The following SLC25A48 variants were observed in gnomAD, a reference collection of about 807,000 sequenced individuals.
SLC25A48 encodes CTC-321K16.1.
SLC25A48 carries 29 observed loss-of-function variants against 32.2 expected under a neutral mutation model. The observed-to-expected ratio is 0.90, with a 90% CI of 0.67 to 1.23. The LOEUF (loss-of-function observed/expected upper bound fraction) is 1.23, where lower values mean the gene tolerates loss of function less well. Ranked by LOEUF, SLC25A48 falls within the 50% of genes most tolerant of loss-of-function variation. The pLI, the probability that SLC25A48 is intolerant of heterozygous loss-of-function variation, is 0.00. For synonymous variants in SLC25A48, 164 were observed against 172.3 expected, an observed-to-expected ratio of 0.95 and a Z score of 0.38; for missense variants, 399 against 422.7, an observed-to-expected ratio of 0.94 and a Z score of 0.49.
intron 1 of SLC25A48, among the ~76,000 whole-genome samples, chr5:135,599,369 A>G (rs1751733385): frequency 6.6e-6 from 1 of 152,126 alleles, no homozygotes; most frequent in African/African-American, 2.4e-5. Flanking sequence ...GCTCATGGAT[A>G]TTGGAGTGCC....
intron 1 of SLC25A48, among the ~76,000 whole-genome samples, chr5:135,598,057 G>A (rs186140574): frequency 1.3e-5 from 2 of 151,722 alleles, no homozygotes; most frequent in Admixed American, 6.6e-5. Context: ...CAAAAGCAAC[G>A]TCCCCAACTA....
chr5:135,597,221 G>C (rs1751676175), intron 1 of SLC25A48, among the ~76,000 whole-genome samples: 1 of 152,170 alleles, frequency 6.6e-6, no homozygotes, highest in Non-Finnish European at 1.5e-5. Flanking sequence ...TCTCAGACTG[G>C]ATTCAATGCA....
intron 3 of SLC25A48, among the ~76,000 whole-genome samples, chr5:135,707,079 T>TG (rs1166341981): frequency 6.6e-6 from 1 of 152,032 alleles, no homozygotes; most frequent in South Asian, 2.1e-4. Context: ...AAGCCAGGGC[T>TG]GGGGGTGTGG....
intron 3 of SLC25A48, among the ~76,000 whole-genome samples, chr5:135,782,585 T>C (rs1348306263): frequency 8.5e-6 from 1 of 117,186 alleles, no homozygotes; most frequent in Admixed American, 8.7e-5. Context: ...ACCCACCCTG[T>C]GAGAGTGTTC....
At chr5:135,595,671 GA>G in intron 1 of SLC25A48, among the ~76,000 whole-genome samples, 1 of 152,316 alleles carries the variant, frequency 6.6e-6, no homozygotes, top group South Asian at 2.1e-4. Flanking sequence ...CTGTTTCTTA[GA>G]TGTGTGACTG....
intron 4 of SLC25A48, among the ~76,000 whole-genome samples, chr5:135,828,098 G>A (rs1758111352): frequency 6.6e-6 from 1 of 152,224 alleles, no homozygotes; most frequent in Non-Finnish European, 1.5e-5. Context: ...TGCTCATGGG[G>A]ATGAAGAGAC....
chr5:135,585,458 C>G (rs1353081455), intron 1 of SLC25A48, among the ~76,000 whole-genome samples: 1 of 152,212 alleles, frequency 6.6e-6, no homozygotes. Flanking sequence ...GCTCGTAGAC[C>G]TTGTTGTCTC....
chr5:135,809,485 C>A (rs957014546), intron 3 of SLC25A48, among the ~76,000 whole-genome samples: 1 of 152,132 alleles, frequency 6.6e-6, no homozygotes, highest in African/African-American at 2.4e-5. Flanking sequence ...TTTTAAAAAT[C>A]AGGTTTATTG....
intron 2 of SLC25A48, among the ~76,000 whole-genome samples, chr5:135,843,942 C>A (rs991122955): frequency 6.6e-6 from 1 of 152,176 alleles, no homozygotes; most frequent in African/African-American, 2.4e-5. Context: ...CCAAGGAGGG[C>A]TGTGCAGCAA....
At chr5:135,780,913 A>C (rs1756703026) in intron 3 of SLC25A48, among the ~76,000 whole-genome samples, 2 of 116,162 alleles carry the variant, frequency 1.7e-5, no homozygotes, top group Non-Finnish European at 4.2e-5. Context: ...GGGAGTGTAC[A>C]TCCCCCCGTA....
chr5:135,609,334 T>TCA (rs1752012216), intron 1 of SLC25A48: 1 of 152,234 alleles, frequency 6.6e-6, no homozygotes, highest in Non-Finnish European at 1.5e-5. Context: ...TACAACTGAC[T>TCA]GAGACAATCA....
rs115313007 is a variant in SLC25A48 at position 135,602,944 on chromosome 5, C to T, written c.-849+23347C>T. ...CTGGTCTCAGTTACACAAACTTGCA[C>T]CTCACTGTCAGTCCATTCAGCTCTC... On this transcript the variant is annotated intron_variant, in intron 1 of 10. Coordinates refer to the SLC25A48 transcript ENST00000646290. Among the ~76,000 whole-genome samples the T allele has an allele frequency of 5.9e-3, 906 of 152,292 alleles. 8 individuals carry two copies. The highest frequency in any genetic ancestry group is 0.021 in the African/African-American group (856 of 41,542).
chr5:135,743,074 ATTT>A (rs1283331243), intron 3 of SLC25A48, among the ~76,000 whole-genome samples: 6 of 10,932 alleles, frequency 5.5e-4, no homozygotes, highest in African/African-American at 1.2e-3. Flanking sequence ...CCTTCCCTTC[ATTT>A]TTTTTTTTTT....
At chr5:135,823,555 G>A (rs1757945975) in intron 4 of SLC25A48, among the ~76,000 whole-genome samples, 1 of 152,180 alleles carries the variant, frequency 6.6e-6, no homozygotes. Flanking sequence ...CCATATGCCA[G>A]GGTTTTTCTA....
intron 3 of SLC25A48, among the ~76,000 whole-genome samples, chr5:135,808,465 C>G (rs1367122247): frequency 4.6e-5 from 7 of 151,970 alleles, no homozygotes; most frequent in Non-Finnish European, 1.0e-4. Context: ...TCACCTCCCC[C>G]CTCACTTCCC....
chr5:135,875,220 A>C (rs1484330405), intron 6 of SLC25A48: 3 of 152,674 alleles, frequency 2.0e-5, no homozygotes, highest in Non-Finnish European at 4.4e-5. Flanking sequence ...GGCCCAGTGC[A>C]GTCCGCTGCC....
intron 4 of SLC25A48, among the ~76,000 whole-genome samples, chr5:135,868,264 A>G (rs1397119913): frequency 6.6e-6 from 1 of 152,204 alleles, no homozygotes; most frequent in East Asian, 1.9e-4. Context: ...ACCACAATGT[A>G]ATAAGGAAAT....
At chr5:135,614,811 T>C (rs1295606942) in intron 1 of SLC25A48, among the ~76,000 whole-genome samples, 8 of 152,200 alleles carry the variant, frequency 5.3e-5, no homozygotes, top group Admixed American at 5.2e-4. Flanking sequence ...CTTAGTGTTG[T>C]AGGAGGGCCC....
intron 3 of SLC25A48, among the ~76,000 whole-genome samples, chr5:135,748,271 T>C (rs191216379): frequency 4.7e-4 from 72 of 152,316 alleles, no homozygotes; most frequent in Non-Finnish European, 1.5e-5. Flanking sequence ...ATACTATACA[T>C]TGGAGGGCAG....
Sources: gnomAD v4.1 joint callset for allele counts (sites outside exome capture counted in the v4.1 genomes callset) on GRCh38, gnomAD v4.1.1 for gene constraint, MANE v1.5 for transcripts, NCBI Gene and HGNC (gene_info 2026-07-23, HGNC 2026-07-21) for gene names.